PRSS38: variants seen among roughly 807,000 people sequenced by gnomAD.
PRSS38 encodes marapsin 2.
A neutral mutation model predicts 26.8 loss-of-function variants in PRSS38; 22 were observed. The observed-to-expected ratio is 0.82, with a 90% CI of 0.59 to 1.17. The LOEUF (loss-of-function observed/expected upper bound fraction) is 1.17. PRSS38 is among the 50% of genes most tolerant of loss of function. The pLI, the probability that PRSS38 is intolerant of heterozygous loss-of-function variation, is 0.00. For synonymous variants in PRSS38, 175 were observed against 172.1 expected, an observed-to-expected ratio of 1.02 and a Z score of -0.13; for missense variants, 427 against 422.7, an observed-to-expected ratio of 1.01 and a Z score of -0.09.
chr1:227,817,188 C>T (rs1287618704), intron 2 of PRSS38, 21 bp from the exon 3 acceptor site: 3 of 1,606,126 alleles, frequency 1.9e-6, no homozygotes, highest in Admixed American at 1.7e-5. Flanking sequence ...GGGCATTGTA[C>T]CTCTGTTCTC....
At chr1:227,833,432 C>T (rs541272495) in intron 3 of PRSS38, among the ~76,000 whole-genome samples, 28 of 151,942 alleles carry the variant, frequency 1.8e-4, no homozygotes, top group African/African-American at 6.5e-4. Context: ...GAGGTTGAGG[C>T]GGGAGAATCA....
chr1:227,817,242 A>C, exon 3 of PRSS38: 1 of 1,614,134 alleles, frequency 6.2e-7, no homozygotes, highest in Non-Finnish European at 8.5e-7. Flanking sequence ...ACATGTACGT[A>C]GGCCTCGTAA....
Position 227,816,181 on chromosome 1 carries a change from A to G in PRSS38, c.240A>G (p.Ala80=), listed in dbSNP as rs1368398346. Reference sequence around the variant, plus strand: ...CGTGGCAGGTCAGCGTGCACTACGCAGGCCTCCACGTCTGCGGCGGCTCCA... The same window carrying G: ...CGTGGCAGGTCAGCGTGCACTACGCGGGCCTCCACGTCTGCGGCGGCTCCA... Residue 80 remains alanine, a synonymous_variant, in exon 2 of 5, where the codon GCA becomes GCG. Coordinates refer to ENST00000366757, the Ensembl canonical transcript of PRSS38. The surrounding 1 kb of genome is among the most constrained non-coding windows in gnomAD (Gnocchi z 5.1). The G allele has an allele frequency of 6.2e-7, 1 of 1,613,608 alleles. No homozygotes were observed. The highest frequency in any genetic ancestry group is 1.1e-5 in the South Asian group (1 of 91,066).
Position 227,845,550 on chromosome 1 carries a change from T to C in PRSS38, c.664T>C (p.Ser222Pro), listed in dbSNP as rs766390928. The change falls in exon 4 of 5, where the codon TCC becomes CCC. Residue 222 changes from serine (S) to proline (P), a missense_variant. Ser to Pro is a moderately conservative substitution (Grantham distance 74). Coordinates refer to ENST00000366757, the Ensembl canonical transcript of PRSS38. ...GTGCCACCTGCTCTACGGACACATG[T>C]CCTACATCATGCCCGACATGCTGTG... 4 of 1,613,738 alleles carry C rather than the reference T, an allele frequency of 2.5e-6. 1 individual carries two copies. Among genetic ancestry groups the C allele is most frequent in the Middle Eastern group, 1.7e-4 (1 of 6,056 alleles).
rs182346792 is a variant in PRSS38 at position 227,824,502 on chromosome 1, C to T, written c.583+7022C>T. ...TATCTAGCTTGATTCCATGTCTTTGCTATTGTGAATAGTGCTGCAATGGAC... is the reference window on the plus strand; with the variant it reads ...TATCTAGCTTGATTCCATGTCTTTGTTATTGTGAATAGTGCTGCAATGGAC... On this transcript the variant is annotated intron_variant, in intron 3 of 4. Transcript: ENST00000366757. Among the ~76,000 whole-genome samples, 106 of 152,114 alleles carry T rather than the reference C, an allele frequency of 7.0e-4. 1 individual carries two copies. The South Asian group carries it at 0.015, about 21-fold the overall frequency.
At chr1:227,828,856 C>T (rs1572084967) in intron 3 of PRSS38, among the ~76,000 whole-genome samples, 1 of 152,162 alleles carries the variant, frequency 6.6e-6, no homozygotes, top group South Asian at 2.1e-4. Context: ...TGAGTGGCTA[C>T]TCTGTCAGGA....
intron 3 of PRSS38, among the ~76,000 whole-genome samples, chr1:227,843,715 A>AGT (rs1665372769): frequency 6.6e-6 from 1 of 150,916 alleles, no homozygotes; most frequent in African/African-American, 2.4e-5. Context: ...CTTAAAAAAA[A>AGT]AATGTCAAAC....
chr1:227,827,879 T>C (rs774904945), intron 3 of PRSS38, among the ~76,000 whole-genome samples: 1 of 152,230 alleles, frequency 6.6e-6, no homozygotes, highest in African/African-American at 2.4e-5. Flanking sequence ...CCAGAGATTC[T>C]GATATGTTAT....
intron 3 of PRSS38, among the ~76,000 whole-genome samples, chr1:227,825,338 C>T (rs772786037): frequency 2.4e-4 from 36 of 152,222 alleles, no homozygotes; most frequent in Non-Finnish European, 5.0e-4. Context: ...ATTACAGGCA[C>T]ATGCCACCAC....
rs137999299 is a variant in PRSS38, at chr1:227,834,594, G to A, written c.584-10876G>A. ...TGAGGCAGGAGGATCGTTTGAACCC[G>A]GGAGGCAGAGGTTGCAGTGAGCCGA... On this transcript the variant is annotated intron_variant, in intron 3 of 4. Transcript: ENST00000366757. Among the ~76,000 whole-genome samples the A allele has an allele frequency of 3.0e-4, 46 of 152,126 alleles. No individual in the cohort carries two copies. In the East Asian group the frequency reaches 5.2e-3, roughly 17 times the overall value.
Position 227,842,222 on chromosome 1 carries a change from A to G in PRSS38, c.584-3248A>G, listed in dbSNP as rs1665348198. ...AGCAGGGCAGGCGAATAGTGCCTGC[A>G]GGTCTATCTGTGATCTATAGGCCCA... On this transcript the variant is annotated intron_variant, in intron 3 of 4. Coordinates refer to ENST00000366757, the Ensembl canonical transcript of PRSS38. Among the ~76,000 whole-genome samples the G allele has an allele frequency of 2.0e-5, 3 of 152,186 alleles. No homozygotes were observed. The South Asian group carries it at 6.2e-4, about 31-fold the overall frequency.
chr1:227,830,715 G>A (rs1665142373), intron 3 of PRSS38, among the ~76,000 whole-genome samples: 1 of 151,644 alleles, frequency 6.6e-6, no homozygotes, highest in Admixed American at 6.6e-5. Context: ...ATGTTGGCCA[G>A]GCTGGTCTCG....
chr1:227,844,672 G>A (rs1237401349), intron 3 of PRSS38, among the ~76,000 whole-genome samples: 1 of 138,102 alleles, frequency 7.2e-6, no homozygotes, highest in Non-Finnish European at 1.5e-5. Context: ...TCCTCCCTAT[G>A]TGTGGTCAGG....
chr1:227,845,918 C>T, intron 4 of PRSS38, 36 bp from the exon 5 acceptor site: 1 of 1,609,890 alleles, frequency 6.2e-7, no homozygotes, highest in Non-Finnish European at 8.5e-7. Context: ...AGGCCTGGGA[C>T]TCCCAGTTCA....
rs1373579342 is a variant in PRSS38, at chr1:227,817,191, C to G, written c.312-18C>G. Reference sequence around the variant, plus strand: ...ACAGGAAGCTGCGGGCATTGTACCTCTGTTCTCACCCCCACAGGGACAAGA... The same window carrying G: ...ACAGGAAGCTGCGGGCATTGTACCTGTGTTCTCACCCCCACAGGGACAAGA... On this transcript the variant is annotated intron_variant, in intron 2 of 4. Transcript: ENST00000366757. The G allele has an allele frequency of 6.2e-7, 1 of 1,607,358 alleles. No individual in the cohort carries two copies. Among genetic ancestry groups the G allele is most frequent in the Admixed American group, 1.7e-5 (1 of 59,918 alleles).
chr1:227,838,819 C>G lies in PRSS38; in HGVS notation c.584-6651C>G, dbSNP rs534440921. Among the ~76,000 whole-genome samples, 84 of 152,274 alleles carry G rather than the reference C, an allele frequency of 5.5e-4. No individual in the cohort carries two copies. The South Asian group carries it at 0.01, about 18-fold the overall frequency. ...TGATAATTGTAAATACATGCAATATCTGTATTTCTCTTTTCAAATAAAATT... is the reference window on the plus strand; with the variant it reads ...TGATAATTGTAAATACATGCAATATGTGTATTTCTCTTTTCAAATAAAATT... On this transcript the variant is annotated intron_variant, in intron 3 of 4. Transcript: ENST00000366757.
At chr1:227,842,049 G>A (rs949472470) in intron 3 of PRSS38, among the ~76,000 whole-genome samples, 9 of 152,058 alleles carry the variant, frequency 5.9e-5, no homozygotes, top group African/African-American at 2.2e-4. Context: ...AGTAGAATGA[G>A]AACTCACTCC....
At chr1:227,841,886 T>G (rs1413676740) in intron 3 of PRSS38, among the ~76,000 whole-genome samples, 1 of 152,210 alleles carries the variant, frequency 6.6e-6, no homozygotes, top group African/African-American at 2.4e-5. Flanking sequence ...AAGAGGTTTG[T>G]TTGGCTCAGG....
intron 3 of PRSS38, among the ~76,000 whole-genome samples, chr1:227,827,843 T>C (rs1314427381): frequency 6.6e-6 from 1 of 151,566 alleles, no homozygotes; most frequent in Non-Finnish European, 1.5e-5. Context: ...TATAAATTTC[T>C]CTGTTACCAC....
Sources: gnomAD v4.1 joint callset for allele counts (sites outside exome capture counted in the v4.1 genomes callset) on GRCh38, gnomAD v4.1.1 for gene constraint, Gnocchi (gnomAD v3.1) non-coding constraint, MANE v1.5 for transcripts, NCBI Gene and HGNC (gene_info 2026-07-23, HGNC 2026-07-21) for gene names.